Variants in EXOC6B observed in about 807,000 individuals in gnomAD.
EXOC6B encodes the protein SEC15 homolog B.
EXOC6B carries 54 observed loss-of-function variants against 113.5 expected under a neutral mutation model. That is an observed-to-expected ratio of 0.48 (90% CI 0.38 to 0.60). The LOEUF (loss-of-function observed/expected upper bound fraction) is 0.60. Among genes scored for constraint, EXOC6B ranks in the 20% least tolerant of loss-of-function variants. The pLI is 0.00. For synonymous variants in EXOC6B, 357 were observed against 339.0 expected, an observed-to-expected ratio of 1.05 and a Z score of -0.58; for missense variants, 797 against 977.5, an observed-to-expected ratio of 0.82 and a Z score of 2.46.
At chr2:72,388,995 T>C (rs1441535387) in intron 18 of EXOC6B, among the ~76,000 whole-genome samples, 1 of 152,144 alleles carries the variant, frequency 6.6e-6, no homozygotes, top group African/African-American at 2.4e-5. Flanking sequence ...CATTCTGCTT[T>C]ATCCAGAGTA....
At chr2:72,700,686 A>G (rs1314145974) in intron 6 of EXOC6B, among the ~76,000 whole-genome samples, 1 of 152,230 alleles carries the variant, frequency 6.6e-6, no homozygotes, top group African/African-American at 2.4e-5. Flanking sequence ...AAATGGGGCC[A>G]GGCGCAGTGG....
At chr2:72,374,893 C>T (rs934731672) in intron 19 of EXOC6B, among the ~76,000 whole-genome samples, 5 of 150,790 alleles carry the variant, frequency 3.3e-5, no homozygotes, top group Non-Finnish European at 7.4e-5. Context: ...GATTGTCACA[C>T]TGAATAAAAA....
chr2:72,224,994 G>GTATATATATATATATATATATATATA (rs1553468230), intron 20 of EXOC6B, among the ~76,000 whole-genome samples: 8 of 137,256 alleles, frequency 5.8e-5, no homozygotes, highest in African/African-American at 2.1e-4. Context: ...GTGTGTGTGT[G>GTATATATATATATATATATATATATA]TATATATATA....
At chr2:72,797,169 C>A (rs570661506) in intron 1 of EXOC6B, among the ~76,000 whole-genome samples, 1 of 152,344 alleles carries the variant, frequency 6.6e-6, no homozygotes, top group East Asian at 1.9e-4. Context: ...TGATTCATCT[C>A]TTCCCACACT....
At chr2:72,606,166 T>C (rs989885821) in intron 6 of EXOC6B, among the ~76,000 whole-genome samples, 2 of 152,214 alleles carry the variant, frequency 1.3e-5, no homozygotes, top group Non-Finnish European at 2.9e-5. Flanking sequence ...GTCTCATTTC[T>C]AATCTACATA....
chr2:72,358,247 C>T (rs1388083763), intron 19 of EXOC6B, among the ~76,000 whole-genome samples: 1 of 151,962 alleles, frequency 6.6e-6, no homozygotes, highest in African/African-American at 2.4e-5. Context: ...TCTCCACAGA[C>T]ATAAAGCTAT....
chr2:72,534,215 A>C lies in EXOC6B; in HGVS notation c.916-19089T>G, dbSNP rs111781477. On this transcript the variant is annotated intron_variant, in intron 8 of 21. Coordinates refer to ENST00000272427, the MANE Select transcript of EXOC6B (RefSeq NM_015189.3). ...AGGGTCAAACCAAAAAAAAAATGAC[A>C]AAAATTATTCTTCCTTCTAATGAGC... Among the ~76,000 whole-genome samples, 1,228 of 152,268 alleles carry C rather than the reference A, an allele frequency of 8.1e-3. 17 individuals carry two copies. Among genetic ancestry groups the C allele is most frequent in the African/African-American group, 0.022 (926 of 41,544 alleles).
intron 19 of EXOC6B, among the ~76,000 whole-genome samples, chr2:72,373,414 A>G (rs1335381481): frequency 1.3e-5 from 2 of 152,214 alleles, no homozygotes; most frequent in African/African-American, 4.8e-5. Flanking sequence ...AAAAATGGAC[A>G]AATAGGATCA....
intron 18 of EXOC6B, among the ~76,000 whole-genome samples, chr2:72,402,615 C>T (rs979274013): frequency 6.6e-6 from 1 of 152,144 alleles, no homozygotes; most frequent in South Asian, 2.1e-4. Flanking sequence ...TTTTGCCAGA[C>T]ATAGAATTCC....
At chr2:72,404,247 G>A (rs1693563482) in intron 18 of EXOC6B, among the ~76,000 whole-genome samples, 1 of 152,234 alleles carries the variant, frequency 6.6e-6, no homozygotes, top group Non-Finnish European at 1.5e-5. Context: ...ACAGCTCAAG[G>A]AGGCCTGCCT....
At chr2:72,607,185 T>C (rs189861751) in intron 6 of EXOC6B, among the ~76,000 whole-genome samples, 137 of 152,244 alleles carry the variant, frequency 9.0e-4, no homozygotes, top group African/African-American at 3.0e-3. Flanking sequence ...TTGAACTAAC[T>C]CCAATTCTAA....
chr2:72,486,587 G>A (rs1573233711), intron 16 of EXOC6B, among the ~76,000 whole-genome samples: 2 of 151,984 alleles, frequency 1.3e-5, no homozygotes, highest in Non-Finnish European at 2.9e-5. Flanking sequence ...TGAAGACCCT[G>A]CATTTGCTGG....
chr2:72,561,703 G>A (rs1340917171), intron 7 of EXOC6B, among the ~76,000 whole-genome samples: 1 of 152,058 alleles, frequency 6.6e-6, no homozygotes, highest in African/African-American at 2.4e-5. Context: ...GTTTATCTGG[G>A]CATACTATTT....
intron 6 of EXOC6B, among the ~76,000 whole-genome samples, chr2:72,690,355 A>G (rs1677396322): frequency 6.6e-6 from 1 of 152,202 alleles, no homozygotes; most frequent in East Asian, 1.9e-4. Flanking sequence ...TATTAAGCAG[A>G]ATATCTTACT....
At chr2:72,611,653 T>C (rs1671080872) in intron 6 of EXOC6B, among the ~76,000 whole-genome samples, 1 of 152,146 alleles carries the variant, frequency 6.6e-6, no homozygotes, top group African/African-American at 2.4e-5. Context: ...ATATTATCTT[T>C]GAAATTTTTC....
intron 6 of EXOC6B, among the ~76,000 whole-genome samples, chr2:72,700,591 A>C (rs1678248815): frequency 6.6e-6 from 1 of 152,190 alleles, no homozygotes; most frequent in African/African-American, 2.4e-5. Flanking sequence ...GAAAATGAAA[A>C]AGTTCTGGAA....
intron 6 of EXOC6B, among the ~76,000 whole-genome samples, chr2:72,675,816 G>C (rs1261109862): frequency 6.6e-6 from 1 of 151,478 alleles, no homozygotes; most frequent in African/African-American, 2.4e-5. Context: ...TAAAAAGTTG[G>C]TGGGGGCGGG....
intron 6 of EXOC6B, among the ~76,000 whole-genome samples, chr2:72,579,084 A>G (rs1472673445): frequency 6.6e-6 from 1 of 152,166 alleles, no homozygotes; most frequent in Non-Finnish European, 1.5e-5. Flanking sequence ...CAGTCCAAAT[A>G]ACATTATGAG....
rs561694118 is a variant in EXOC6B at position 72,567,638 on chromosome 2, A to G, written c.846+7854T>C. ...AAAAGAAATTAGAACTCTCTGAAGA[A>G]ACGGCTGATGCCAGGGCTAGGGCAG... On this transcript the variant is annotated intron_variant, in intron 7 of 21. Transcript: ENST00000272427. Among the ~76,000 whole-genome samples the G allele has an allele frequency of 3.3e-5, 5 of 152,242 alleles. No homozygotes were observed. The South Asian group carries it at 1.0e-3, about 32-fold the overall frequency.
Sources: gnomAD v4.1 joint callset for allele counts (sites outside exome capture counted in the v4.1 genomes callset) on GRCh38, gnomAD v4.1.1 for gene constraint, MANE v1.5 for transcripts, NCBI Gene and HGNC (gene_info 2026-07-23, HGNC 2026-07-21) for gene names.